Variants in SHISA9 observed in about 807,000 individuals in gnomAD.
The protein encoded by SHISA9 is protein shisa-9.
A neutral mutation model predicts 38.0 loss-of-function variants in SHISA9; 13 were observed. That is an observed-to-expected ratio of 0.34 (90% confidence interval 0.22 to 0.54). The LOEUF (loss-of-function observed/expected upper bound fraction) is 0.54, where lower values mean the gene tolerates loss of function less well. Ranked by LOEUF, SHISA9 falls within the 20% of genes least tolerant of loss-of-function variation. The probability of loss-of-function intolerance (pLI) is 0.91; values close to 1 mark genes in which losing one functional copy is unlikely to be tolerated. For synonymous variants in SHISA9, 275 were observed against 242.0 expected, an observed-to-expected ratio of 1.14 and a Z score of -1.27; for missense variants, 538 against 575.8, an observed-to-expected ratio of 0.93 and a Z score of 0.67.
chr16:13,046,730 C>G (rs911621334), intron 2 of SHISA9, among the ~76,000 whole-genome samples: 3 of 152,232 alleles, frequency 2.0e-5, no homozygotes, highest in African/African-American at 7.2e-5. Flanking sequence ...CTTCTCTCCT[C>G]TCCAATCCAG....
chr16:13,037,088 CCACACACACACA>C (rs71147781), intron 2 of SHISA9, among the ~76,000 whole-genome samples: 5 of 129,744 alleles, frequency 3.9e-5, no homozygotes, highest in African/African-American at 1.2e-4. Context: ...ACACACCACA[CCACACACACACA>C]CACACACAGA....
intron 2 of SHISA9, among the ~76,000 whole-genome samples, chr16:12,936,055 G>A (rs769655352): frequency 2.0e-5 from 3 of 152,160 alleles, no homozygotes; most frequent in Admixed American, 6.5e-5. Context: ...AGGCTTAGAA[G>A]TCCAGGTAAG....
At chr16:13,493,394 T>C in the SHISA9 span, among the ~76,000 whole-genome samples, 1 of 152,196 alleles carries the variant, frequency 6.6e-6, no homozygotes, top group Non-Finnish European at 1.5e-5. Flanking sequence ...GCAATAGCAC[T>C]GGCCAGACTC....
intron 2 of SHISA9, among the ~76,000 whole-genome samples, chr16:13,074,349 G>A (rs1266711739): frequency 2.0e-5 from 3 of 152,096 alleles, no homozygotes; most frequent in Non-Finnish European, 4.4e-5. Context: ...CCCTCCAGGT[G>A]GTTCTGATTC....
the SHISA9 span, among the ~76,000 whole-genome samples, chr16:13,486,891 A>G: frequency 2.0e-5 from 3 of 152,126 alleles, no homozygotes; most frequent in African/African-American, 7.2e-5. Context: ...TTTAGTAGAG[A>G]TGAGGTTTCT....
At chr16:13,334,297 A>G in the SHISA9 span, among the ~76,000 whole-genome samples, 1 of 152,214 alleles carries the variant, frequency 6.6e-6, no homozygotes, top group Non-Finnish European at 1.5e-5. Flanking sequence ...AGTTTGAGCC[A>G]GTGCTGGACA....
intron 2 of SHISA9, among the ~76,000 whole-genome samples, chr16:13,135,174 A>T (rs12926174): frequency 0.41 from 62,659 of 152,052 alleles, 14,897 homozygotes; most frequent in Non-Finnish European, 0.52. Flanking sequence ...GAACAACAAC[A>T]GAATCTACTA....
At chr16:13,094,101 C>A (rs2073802357) in intron 2 of SHISA9, among the ~76,000 whole-genome samples, 1 of 152,096 alleles carries the variant, frequency 6.6e-6, no homozygotes. Context: ...TTGTCCTTTG[C>A]CACTGTGCTA....
chr16:12,979,195 C>A (rs1254300278), intron 2 of SHISA9, among the ~76,000 whole-genome samples: 1 of 152,190 alleles, frequency 6.6e-6, no homozygotes, highest in East Asian at 1.9e-4. Flanking sequence ...CTGGTCTTTG[C>A]CTGATCTCAC....
At position 12,924,973 on chromosome 16, in the gene SHISA9, C is replaced by G. The variant is rs191939006; in HGVS notation, c.691+8158C>G. ...AGGATTAATTAACACATGTAAAGAACTTAGCATAGTGCCTGGTAACATAAA... is the reference window on the plus strand; with the variant it reads ...AGGATTAATTAACACATGTAAAGAAGTTAGCATAGTGCCTGGTAACATAAA... On this transcript the variant is annotated intron_variant, in intron 2 of 4. Coordinates refer to ENST00000558583, the MANE Select transcript of SHISA9 (RefSeq NM_001145204.3). Among the ~76,000 whole-genome samples, 13 of 152,266 alleles carry G rather than the reference C, an allele frequency of 8.5e-5. No homozygotes were observed. The East Asian group carries it at 1.9e-3, about 23-fold the overall frequency.
intron 2 of SHISA9, among the ~76,000 whole-genome samples, chr16:13,051,921 C>T (rs75945072): frequency 0.037 from 5,626 of 152,112 alleles, 306 homozygotes; most frequent in African/African-American, 0.13. Context: ...CCCGCCACCA[C>T]ACTCTTCTAA....
chr16:13,206,257 C>G (rs1326967919), intron 3 of SHISA9, among the ~76,000 whole-genome samples: 2 of 152,040 alleles, frequency 1.3e-5, no homozygotes, highest in East Asian at 3.9e-4. Context: ...GTTTTGGTTC[C>G]CGAAAAACTC....
intron 2 of SHISA9, among the ~76,000 whole-genome samples, chr16:12,985,956 C>G (rs1216973898): frequency 1.3e-5 from 2 of 152,168 alleles, no homozygotes; most frequent in Non-Finnish European, 2.9e-5. Flanking sequence ...TACCTAAGAC[C>G]AGGCCAGCGG....
At chr16:13,367,711 C>CGT in the SHISA9 span, among the ~76,000 whole-genome samples, 1 of 96,882 alleles carries the variant, frequency 1.0e-5, no homozygotes, top group Admixed American at 9.2e-5. Flanking sequence ...CGCGCGCGCG[C>CGT]GCACACACAC....
At chr16:13,432,549 A>C in the SHISA9 span, among the ~76,000 whole-genome samples, 1 of 152,094 alleles carries the variant, frequency 6.6e-6, no homozygotes, top group East Asian at 1.9e-4. Context: ...ACACAACCCA[A>C]ATTTAACAGT....
rs116736412 is a variant in SHISA9, at chr16:12,924,361, G to T, written c.691+7546G>T. 2.7e-3 allele frequency among the ~76,000 whole-genome samples: 416 copies of T among 152,266 alleles called. 2 individuals are homozygous for T. The highest frequency in any genetic ancestry group is 9.4e-3 in the African/African-American group (392 of 41,546). On this transcript the variant is annotated intron_variant, in intron 2 of 4. Transcript: ENST00000558583. Reference sequence around the variant, plus strand: ...TTATTGAATGAATGAATATATGAATGACTCTTTAGCACAAACTTGATTAAA... The same window carrying T: ...TTATTGAATGAATGAATATATGAATTACTCTTTAGCACAAACTTGATTAAA...
chr16:13,413,513 T>C, the SHISA9 span, among the ~76,000 whole-genome samples: 4 of 152,076 alleles, frequency 2.6e-5, no homozygotes, highest in Non-Finnish European at 5.9e-5. Context: ...CCCAACACTT[T>C]GGGAGGCCGA....
At chr16:13,278,634 T>A in the SHISA9 span, among the ~76,000 whole-genome samples, 1 of 152,090 alleles carries the variant, frequency 6.6e-6, no homozygotes, top group Admixed American at 6.6e-5. Context: ...TCTTCCTGAT[T>A]TAAGCTAGGA....
rs1342569390 is a variant in SHISA9 at position 12,970,465 on chromosome 16, G to A, written c.691+53650G>A. ...CACACATATATATATACATATATGT[G>A]TGTGTATATATATATATATATATAT... On this transcript the variant is annotated intron_variant, in intron 2 of 4. Coordinates refer to ENST00000558583, the MANE Select transcript of SHISA9 (RefSeq NM_001145204.3). Among the ~76,000 whole-genome samples, 151 of 22,454 alleles carry A rather than the reference G, an allele frequency of 6.7e-3. 7 individuals are homozygous for A. Among genetic ancestry groups the A allele is most frequent in the African/African-American group, 0.032 (141 of 4,340 alleles). 14.7% of individuals were successfully genotyped at this position (22,454 alleles called of 152,430 possible). A position where few individuals can be genotyped will look rare whatever the true frequency, so the allele number is the denominator to read the frequency against.
Sources: allele counts gnomAD v4.1 joint callset (sites outside exome capture counted in the v4.1 genomes callset), GRCh38; gene constraint gnomAD v4.1.1; transcripts MANE v1.5; gene names NCBI Gene and HGNC (gene_info 2026-07-23, HGNC 2026-07-21).